LMX1A: variants seen among roughly 807,000 people sequenced by gnomAD.
LMX1A encodes the protein LIM homeobox transcription factor 1 alpha.
Under a neutral mutation model 49.1 loss-of-function variants are expected in LMX1A, and 15 were observed. The ratio of observed to expected loss-of-function variants is 0.31; its 90% CI spans 0.20 to 0.47. The LOEUF (loss-of-function observed/expected upper bound fraction) is 0.47. Among genes scored for constraint, LMX1A ranks in the 20% least tolerant of loss-of-function variants. The pLI is 1.00. For missense variants in LMX1A, 372 were observed against 475.8 expected, an observed-to-expected ratio of 0.78 and a Z score of 2.03; for synonymous variants, 167 against 185.7, an observed-to-expected ratio of 0.90 and a Z score of 0.82.
intron 4 of LMX1A, among the ~76,000 whole-genome samples, chr1:165,239,740 T>C (rs1481576582): frequency 1.3e-5 from 2 of 152,200 alleles, no homozygotes; most frequent in Admixed American, 6.5e-5. Context: ...AGTCATGATA[T>C]AAATATGTGA....
At chr1:165,288,502 C>T (rs1372071581) in intron 3 of LMX1A, among the ~76,000 whole-genome samples, 5 of 152,162 alleles carry the variant, frequency 3.3e-5, no homozygotes, top group African/African-American at 7.2e-5. Flanking sequence ...TACAAGGCAA[C>T]GTGAAGCCTG....
intron 3 of LMX1A, among the ~76,000 whole-genome samples, chr1:165,265,236 G>T (rs991909140): frequency 6.6e-6 from 1 of 151,398 alleles, no homozygotes; most frequent in African/African-American, 2.4e-5. Context: ...TGGAAAAGGA[G>T]CCCCAGGGGT....
chr1:165,222,585 C>T (rs1303093891), intron 4 of LMX1A, among the ~76,000 whole-genome samples: 1 of 152,180 alleles, frequency 6.6e-6, no homozygotes, highest in African/African-American at 2.4e-5. Context: ...GACAACAATC[C>T]TGTAGGTGGT....
chr1:165,263,088 C>T (rs1447400477), intron 3 of LMX1A, among the ~76,000 whole-genome samples: 1 of 152,210 alleles, frequency 6.6e-6, no homozygotes, highest in African/African-American at 2.4e-5. Flanking sequence ...CTCCTCATCT[C>T]CCTGACCATG....
intron 5 of LMX1A, chr1:165,211,264 T>C (rs887380520): frequency 6.6e-6 from 1 of 152,286 alleles, no homozygotes; most frequent in East Asian, 1.9e-4. Context: ...TGAATATCCA[T>C]AGTGACTGCT....
intron 3 of LMX1A, among the ~76,000 whole-genome samples, chr1:165,310,975 A>T (rs1428166456): frequency 6.6e-6 from 1 of 152,364 alleles, no homozygotes; most frequent in Non-Finnish European, 1.5e-5. Context: ...ATTCACCATG[A>T]TGTCCCCCAG....
At chr1:165,212,321 C>G (rs2102602111) in intron 5 of LMX1A, among the ~76,000 whole-genome samples, 1 of 152,274 alleles carries the variant, frequency 6.6e-6, no homozygotes, top group African/African-American at 2.4e-5. Context: ...GGGCTTCCCA[C>G]TTTGACTTGG....
At chr1:165,255,555 A>C (rs1653207207) in intron 3 of LMX1A, among the ~76,000 whole-genome samples, 1 of 152,222 alleles carries the variant, frequency 6.6e-6, no homozygotes, top group South Asian at 2.1e-4. Flanking sequence ...TGGACTAATG[A>C]GGATTAAATG....
intron 3 of LMX1A, among the ~76,000 whole-genome samples, chr1:165,267,302 G>C (rs1653657064): frequency 6.6e-6 from 1 of 152,066 alleles, no homozygotes; most frequent in Non-Finnish European, 1.5e-5. Flanking sequence ...ATGTTTTCTA[G>C]GTTCATTGCA....
chr1:165,289,893 T>G (rs888247360), intron 3 of LMX1A, among the ~76,000 whole-genome samples: 3 of 152,224 alleles, frequency 2.0e-5, no homozygotes, highest in African/African-American at 4.8e-5. Flanking sequence ...TTCTATGACA[T>G]AGCTCGGTCT....
At chr1:165,220,042 A>C (rs1482483744) in intron 4 of LMX1A, among the ~76,000 whole-genome samples, 1 of 152,170 alleles carries the variant, frequency 6.6e-6, no homozygotes, top group Admixed American at 6.5e-5. Context: ...AAGGGCATAA[A>C]ATACCTAATG....
At chr1:165,319,074 T>A (rs1655307489) in intron 3 of LMX1A, among the ~76,000 whole-genome samples, 1 of 149,370 alleles carries the variant, frequency 6.7e-6, no homozygotes, top group South Asian at 2.1e-4. Flanking sequence ...AGACATTCCT[T>A]AACATGATAA....
chr1:165,264,378 A>T (rs1653548907), intron 3 of LMX1A, among the ~76,000 whole-genome samples: 1 of 152,162 alleles, frequency 6.6e-6, no homozygotes, highest in Admixed American at 6.5e-5. Flanking sequence ...AATCACAGTG[A>T]CTAGTTATGT....
chr1:165,223,605 A>C (rs1651932318), intron 4 of LMX1A, among the ~76,000 whole-genome samples: 1 of 152,184 alleles, frequency 6.6e-6, no homozygotes, highest in African/African-American at 2.4e-5. Flanking sequence ...GGAGGTCCAA[A>C]TCTATCTGCT....
chr1:165,352,574 C>T (rs1411411947), intron 3 of LMX1A, among the ~76,000 whole-genome samples: 4 of 152,240 alleles, frequency 2.6e-5, no homozygotes, highest in Non-Finnish European at 5.9e-5. Context: ...GCGGGAAACG[C>T]GCACAGGGCA....
In LMX1A at chr1:165,304,364, T is replaced by C. The variant is rs572086574; in HGVS notation, c.263+48712A>G. 9.2e-5 allele frequency among the ~76,000 whole-genome samples: 14 copies of C among 152,188 alleles called. No homozygotes were observed. The South Asian group carries it at 2.5e-3, about 27-fold the overall frequency. Reference sequence around the variant, plus strand: ...AAAAGGAACTCAATAACCATGAGAGTTGGTTCAGGCTTCTCTCAATTATTT... The same window carrying C: ...AAAAGGAACTCAATAACCATGAGAGCTGGTTCAGGCTTCTCTCAATTATTT... On this transcript the variant is annotated intron_variant, in intron 3 of 8. Coordinates refer to ENST00000342310, the MANE Select transcript of LMX1A (RefSeq NM_177398.4).
chr1:165,227,066 G>A (rs1453608031), intron 4 of LMX1A, among the ~76,000 whole-genome samples: 2 of 152,130 alleles, frequency 1.3e-5, no homozygotes, highest in Non-Finnish European at 2.9e-5. Flanking sequence ...GTGGTCTCAG[G>A]GGATCAGGGC....
At chr1:165,328,206 C>T (rs760921248) in intron 3 of LMX1A, among the ~76,000 whole-genome samples, 12 of 152,234 alleles carry the variant, frequency 7.9e-5, no homozygotes, top group Non-Finnish European at 1.3e-4. Flanking sequence ...CAGTTGCCCA[C>T]AGGCAAAGTA....
intron 8 of LMX1A, among the ~76,000 whole-genome samples, chr1:165,205,004 T>C (rs1651016485): frequency 6.6e-6 from 1 of 152,144 alleles, no homozygotes; most frequent in South Asian, 2.1e-4. Context: ...AGAATTTTTT[T>C]TCATGAAGGC....
Sources: gnomAD v4.1 joint callset for allele counts (sites outside exome capture counted in the v4.1 genomes callset) on GRCh38, gnomAD v4.1.1 for gene constraint, MANE v1.5 for transcripts, NCBI Gene and HGNC (gene_info 2026-07-23, HGNC 2026-07-21) for gene names.